CACYBP: variants seen among roughly 807,000 people sequenced by gnomAD.
The protein encoded by CACYBP is calcyclin binding protein.
In CACYBP, 11 loss-of-function variants were observed where a neutral mutation model predicts 29.6. The observed-to-expected ratio is 0.37, with a 90% CI of 0.23 to 0.61. The LOEUF (loss-of-function observed/expected upper bound fraction) is 0.61, where lower values mean the gene tolerates loss of function less well. Ranked by LOEUF, CACYBP falls within the 20% of genes least tolerant of loss-of-function variation. The probability of loss-of-function intolerance (pLI) is 0.65; values close to 1 mark genes in which losing one functional copy is unlikely to be tolerated. For missense variants in CACYBP, 163 were observed against 260.7 expected, an observed-to-expected ratio of 0.63 and a Z score of 2.58; for synonymous variants, 73 against 88.3, an observed-to-expected ratio of 0.83 and a Z score of 0.97.
chr1:175,005,964 A>T (rs1183607159), intron 2 of CACYBP, among the ~76,000 whole-genome samples: 1 of 152,176 alleles, frequency 6.6e-6, no homozygotes, highest in Non-Finnish European at 1.5e-5. Context: ...TAGGCATGCA[A>T]TGTGAAAAAC....
chr1:175,000,430 C>T, intron 1 of CACYBP: 1 of 1,391,762 alleles, frequency 7.2e-7, no homozygotes, highest in Non-Finnish European at 9.3e-7. Flanking sequence ...CGGGGGTGTG[C>T]GGCGATTATC....
At position 175,010,060 on chromosome 1, in the gene CACYBP, A is replaced by G. The variant is rs1432500500; in HGVS notation, c.668A>G (p.Lys223Arg). The change falls in exon 6 of 6, where the codon AAA becomes AGA. Residue 223 changes from lysine (K) to arginine (R), a missense_variant. Transcript: ENST00000367679. ...GTGGAATCAAGAGAGAAGCAAGCCA[A>G]AGGAGACACGGAATTTTGAGACTTT... ...AWVESREKQA[K>R]GDTEF 10 of 1,613,010 alleles carry G rather than the reference A, an allele frequency of 6.2e-6. No individual in the cohort carries two copies. In the South Asian group the frequency reaches 8.8e-5, roughly 14 times the overall value.
chr1:175,000,580 T>C lies in CACYBP; in HGVS notation c.15+385T>C, dbSNP rs574706463. On this transcript the variant is annotated intron_variant, in intron 1 of 5. Coordinates refer to ENST00000367679, the MANE Select transcript of CACYBP (RefSeq NM_014412.3). The stretch of plus-strand genomic sequence containing the variant: ...TGGGTGCAAACATGAGTGTCGTTCT[T>C]GGTAGAGGGCGGTTGGAAGGTGAGT... 7 of 1,126,094 alleles carry C rather than the reference T, an allele frequency of 6.2e-6. No individual in the cohort carries two copies. The African/African-American group carries it at 8.4e-5, about 14-fold the overall frequency. The allele number at this position is 1,126,094 out of a possible 1,614,324, so 69.8% of individuals were successfully genotyped here.
In CACYBP at chr1:175,010,813, T is replaced by C. The variant is rs898418928; in HGVS notation, c.*734T>C. 6.6e-6 allele frequency: 1 copy of C among 152,226 alleles called. No homozygotes were observed. 9.4% of individuals were successfully genotyped at this position (152,226 alleles called of 1,614,324 possible). ...GTTTTTCTTCATTAGAACAGTTTTA[T>C]GATTTATTTGTCTAGGAGTATGTCA... On this transcript the variant is annotated 3_prime_UTR_variant, in exon 6 of 6. Transcript: ENST00000367679.
In CACYBP at chr1:175,000,138, T is replaced by C. The variant is rs778151297; in HGVS notation, c.-43T>C. ...CGGCGCGGGGTTTCCTGTTCCTCCT[T>C]CTGCGCGGCTGCAGCTCGGGACTTC... On this transcript the variant is annotated 5_prime_UTR_variant, in exon 1 of 6. Transcript: ENST00000367679. 36 of 1,593,238 alleles carry C rather than the reference T, an allele frequency of 2.3e-5. No homozygotes were observed. The highest frequency in any genetic ancestry group is 1.4e-4 in the East Asian group (6 of 43,650).
intron 4 of CACYBP, 84 bp downstream of exon 4, chr1:175,007,281 GA>G: frequency 1.2e-6 from 1 of 809,968 alleles, no homozygotes; most frequent in Non-Finnish European, 2.1e-6. Context: ...GAACTGGAAT[GA>G]ATTTGTCCTC....
At position 175,010,560 on chromosome 1, in the gene CACYBP, G is replaced by GTT. The variant is rs760271446; in HGVS notation, c.*482_*483insTT. 1.3e-5 allele frequency: 2 copies of GTT among 152,558 alleles called. No individual in the cohort carries two copies. The highest frequency in any genetic ancestry group is 2.9e-5 in the Non-Finnish European group (2 of 68,360). The allele number at this position is 152,558 out of a possible 1,614,324, so 9.5% of individuals were successfully genotyped here. A position where few individuals can be genotyped will look rare whatever the true frequency, so the allele number is the denominator to read the frequency against. ...ACCCCTTATTACCACCTTAAGCAAT[G>GTT]TATATGCCATGCATTACCATGCACT... On this transcript the variant is annotated 3_prime_UTR_variant, in exon 6 of 6. Transcript: ENST00000367679.
chr1:174,999,571 T>G, upstream of CACYBP: 1 of 159,624 alleles, frequency 6.3e-6, no homozygotes, highest in South Asian at 1.5e-4. Flanking sequence ...TTCGCCTTCT[T>G]CTCGCGGAGG....
rs1672429256 is a variant in CACYBP, at chr1:175,000,127, C to T, written c.-54C>T. The T allele has an allele frequency of 1.9e-6, 3 of 1,579,884 alleles. No individual in the cohort carries two copies. Among genetic ancestry groups the T allele is most frequent in the African/African-American group, 1.4e-5 (1 of 73,766 alleles). On this transcript the variant is annotated 5_prime_UTR_variant, in exon 1 of 6. Transcript: ENST00000367679. ...GTTTGAGGGCTCGGCGCGGGGTTTCCTGTTCCTCCTTCTGCGCGGCTGCAG... is the reference window on the plus strand; with the variant it reads ...GTTTGAGGGCTCGGCGCGGGGTTTCTTGTTCCTCCTTCTGCGCGGCTGCAG...
In CACYBP at chr1:175,010,001, C is replaced by T. The variant is rs776535448; in HGVS notation, c.609C>T (p.Asp203=). Residue 203 remains aspartate, a synonymous_variant, in exon 6 of 6, where the codon GAC becomes GAT. Coordinates refer to ENST00000367679, the MANE Select transcript of CACYBP (RefSeq NM_014412.3). The stretch of plus-strand genomic sequence containing the variant: ...TAAAGAAAATTTATGAAGATGGAGA[C>T]GATGATATGAAGCGAACCATTAATA... ...NVLKKIYEDG[D]DDMKRTINKA... The T allele has an allele frequency of 3.9e-5, 63 of 1,612,562 alleles. 2 individuals carry two copies. The East Asian group carries it at 1.2e-3, about 31-fold the overall frequency.
At position 175,004,728 on chromosome 1, in the gene CACYBP, A is replaced by T; in HGVS notation, c.130A>T (p.Met44Leu). 2 of 1,613,940 alleles carry T rather than the reference A, an allele frequency of 1.2e-6. No homozygotes were observed. Among genetic ancestry groups the T allele is most frequent in the Non-Finnish European group, 1.7e-6 (2 of 1,179,784 alleles). Reference sequence around the variant, plus strand: ...GATTGAGACAGAAATCAAGAACAAGATGCAACAGAAATCACAGAAGAAAGC... The same window carrying T: ...GATTGAGACAGAAATCAAGAACAAGTTGCAACAGAAATCACAGAAGAAAGC... ...SKIETEIKNK[M>L]QQKSQKKAEL... Residue 44 changes from methionine (M) to leucine (L), a missense_variant, in exon 2 of 6, where the codon ATG becomes TTG. By Grantham distance (15) the Met-to-Leu change is conservative. Coordinates refer to ENST00000367679, the MANE Select transcript of CACYBP (RefSeq NM_014412.3).
chr1:175,003,874 G>A (rs372171799), intron 1 of CACYBP, among the ~76,000 whole-genome samples: 1 of 152,118 alleles, frequency 6.6e-6, no homozygotes, highest in South Asian at 2.1e-4. Flanking sequence ...GACTTTAATA[G>A]ATGATGGATT....
At chr1:175,000,724 G>A (rs945154299) in intron 1 of CACYBP, 32 of 510,458 alleles carry the variant, frequency 6.3e-5, no homozygotes, top group Admixed American at 1.3e-4. Context: ...TCATAGGGTT[G>A]TTAAAAAATA....
At position 175,004,787 on chromosome 1, in the gene CACYBP, G is replaced by C. The variant is rs1672575695; in HGVS notation, c.189G>C (p.Val63=). Residue 63 remains valine, a synonymous_variant, in exon 2 of 6, where the codon GTG becomes GTC. Coordinates refer to ENST00000367679, the MANE Select transcript of CACYBP (RefSeq NM_014412.3). The stretch of plus-strand genomic sequence containing the variant: ...TTGATAATGAAAAACCAGCTGCTGT[G>C]GTTGCTCCCATTACAACGGGCTATA... ...ELLDNEKPAA[V]VAPITTGYTV... is the part of the protein sequence containing the mutation. 1.2e-6 allele frequency: 2 copies of C among 1,613,648 alleles called. No individual in the cohort carries two copies. Among genetic ancestry groups the C allele is most frequent in the Admixed American group, 1.7e-5 (1 of 59,994 alleles).
rs67446162 is a variant in CACYBP, at chr1:175,009,643, C to CAAAAA, written c.531-262_531-258dup. Among the ~76,000 whole-genome samples the CAAAAA allele has an allele frequency of 4.6e-4, 46 of 100,466 alleles. 2 individuals carry two copies. Among genetic ancestry groups the CAAAAA allele is most frequent in the Admixed American group, 4.4e-4 (4 of 9,006 alleles). The allele number at this position is 100,466 out of a possible 152,430, so 65.9% of individuals were successfully genotyped here. ...CCTGGGCAACAGAGCAGGACTGTCT[C>CAAAAA]AAAAAAAAAAAAAAAAAAAAAATCA... On this transcript the variant is annotated intron_variant, in intron 5 of 5. Transcript: ENST00000367679.
rs1401546043 is a variant in CACYBP, at chr1:175,000,135, CCTT to C, written c.-43_-41del. ...GCTCGGCGCGGGGTTTCCTGTTCCT[CCTT>C]CTGCGCGGCTGCAGCTCGGGACTTC... On this transcript the variant is annotated 5_prime_UTR_variant, in exon 1 of 6. Coordinates refer to ENST00000367679, the MANE Select transcript of CACYBP (RefSeq NM_014412.3). 6 of 1,587,816 alleles carry C rather than the reference CCTT, an allele frequency of 3.8e-6. No homozygotes were observed. The highest frequency in any genetic ancestry group is 2.3e-5 in the East Asian group (1 of 43,236).
chr1:175,001,845 GA>G (rs1672498313), intron 1 of CACYBP, among the ~76,000 whole-genome samples: 1 of 152,162 alleles, frequency 6.6e-6, no homozygotes, highest in Non-Finnish European at 1.5e-5. Context: ...GGGTTCAAAG[GA>G]TTCTCCTGCC....
At chr1:175,002,837 T>C (rs1188649993) in intron 1 of CACYBP, among the ~76,000 whole-genome samples, 1 of 152,240 alleles carries the variant, frequency 6.6e-6, no homozygotes, top group African/African-American at 2.4e-5. Context: ...TAATTCGAAG[T>C]ACCTTTCTCA....
At position 175,001,821 on chromosome 1, in the gene CACYBP, A is replaced by C. The variant is rs576209001; in HGVS notation, c.15+1626A>C. The stretch of plus-strand genomic sequence containing the variant: ...CAATGGCGCAATCTCGGCTCACTGC[A>C]ATCTCCGTCTCCCGGGTTCAAAGGA... On this transcript the variant is annotated intron_variant, in intron 1 of 5. Coordinates refer to ENST00000367679, the MANE Select transcript of CACYBP (RefSeq NM_014412.3). Among the ~76,000 whole-genome samples the C allele has an allele frequency of 1.7e-3, 253 of 152,260 alleles. 1 individual carries two copies. The highest frequency in any genetic ancestry group is 3.0e-3 in the Non-Finnish European group (205 of 68,002).
Sources: gnomAD v4.1 joint callset for allele counts (sites outside exome capture counted in the v4.1 genomes callset) on GRCh38, gnomAD v4.1.1 for gene constraint, MANE v1.5 for transcripts, NCBI Gene and HGNC (gene_info 2026-07-23, HGNC 2026-07-21) for gene names.